MPZL1: variants seen among roughly 807,000 people sequenced by gnomAD.
The protein encoded by MPZL1 is myelin protein zero like 1.
Under a neutral mutation model 29.3 loss-of-function variants are expected in MPZL1, and 16 were observed. The observed-to-expected ratio is 0.55, with a 90% confidence interval of 0.37 to 0.83. The LOEUF (loss-of-function observed/expected upper bound fraction) is 0.83, where lower values mean the gene tolerates loss of function less well. Among genes scored for constraint, MPZL1 ranks in the 40% least tolerant of loss-of-function variants. MPZL1 has a pLI of 0.00. For synonymous variants in MPZL1, 143 were observed against 132.0 expected, an observed-to-expected ratio of 1.08 and a Z score of -0.57; for missense variants, 279 against 332.9, an observed-to-expected ratio of 0.84 and a Z score of 1.26.
At position 167,768,682 on chromosome 1, in the gene MPZL1, A is replaced by C. The variant is rs77737000; in HGVS notation, c.258+2933A>C. ...ATTCCTCAGTTTGATTCAGCAAACT[A>C]TGTAGTTCCTGCTGTGTCCAAAGTG... On this transcript the variant is annotated intron_variant, in intron 2 of 5. Coordinates refer to ENST00000359523, the MANE Select transcript of MPZL1 (RefSeq NM_003953.6). Among the ~76,000 whole-genome samples the C allele has an allele frequency of 2.7e-3, 408 of 152,346 alleles. 2 individuals carry two copies. The highest frequency in any genetic ancestry group is 9.4e-3 in the African/African-American group (391 of 41,580).
chr1:167,729,708 T>C (rs1660224379), intron 1 of MPZL1, among the ~76,000 whole-genome samples: 1 of 152,232 alleles, frequency 6.6e-6, no homozygotes, highest in African/African-American at 2.4e-5. Flanking sequence ...CTCCCTTTTC[T>C]GTTTCTTAGC....
rs1287132497 is a variant in MPZL1 at position 167,739,286 on chromosome 1, TATATATATATATATATATATATACAC to T, written c.91+17055_91+17080del. ...ACATACATATATACATATATACATA[TATATATATATATATATATATATACAC>T]ATATATATATTTATGTTTATTCTTT... On this transcript the variant is annotated intron_variant, in intron 1 of 5. Transcript: ENST00000359523. 6.7e-4 allele frequency among the ~76,000 whole-genome samples: 73 copies of T among 108,294 alleles called. 5 individuals carry two copies. Among genetic ancestry groups the T allele is most frequent in the African/African-American group, 3.2e-3 (59 of 18,236 alleles). The allele number at this position is 108,294 out of a possible 152,430, so 71.0% of individuals were successfully genotyped here.
intron 1 of MPZL1, among the ~76,000 whole-genome samples, chr1:167,746,608 G>C (rs946856521): frequency 6.6e-6 from 1 of 152,194 alleles, no homozygotes; most frequent in South Asian, 2.1e-4. Context: ...CTTCTGCTCT[G>C]TTGTGAATGG....
chr1:167,754,821 C>G (rs1268736968), intron 1 of MPZL1, among the ~76,000 whole-genome samples: 1 of 152,170 alleles, frequency 6.6e-6, no homozygotes, highest in Non-Finnish European at 1.5e-5. Context: ...CCAATTAAAT[C>G]AGAATTCCTG....
chr1:167,750,750 T>G (rs775830878), intron 1 of MPZL1, among the ~76,000 whole-genome samples: 5 of 152,222 alleles, frequency 3.3e-5, no homozygotes, highest in Non-Finnish European at 7.3e-5. Flanking sequence ...ATCTAATATA[T>G]AGAGTTTATT....
chr1:167,744,778 C>T (rs1044328113), intron 1 of MPZL1, among the ~76,000 whole-genome samples: 20 of 151,610 alleles, frequency 1.3e-4, no homozygotes, highest in Admixed American at 5.3e-4. Flanking sequence ...TAGACTCCAA[C>T]AACTAGTAAA....
intron 1 of MPZL1, among the ~76,000 whole-genome samples, chr1:167,747,281 T>TGC (rs1660665856): frequency 6.6e-6 from 1 of 152,168 alleles, no homozygotes; most frequent in African/African-American, 2.4e-5. Context: ...AGTGCAGTGG[T>TGC]GCGATCTCAG....
chr1:167,772,936 A>T (rs527840184), intron 3 of MPZL1, among the ~76,000 whole-genome samples: 13 of 152,320 alleles, frequency 8.5e-5, no homozygotes, highest in South Asian at 2.1e-4. Context: ...CATTTTTGAG[A>T]CAAAGTCTGT....
intron 1 of MPZL1, among the ~76,000 whole-genome samples, chr1:167,735,555 TC>T (rs1558109040): frequency 6.6e-6 from 1 of 152,164 alleles, no homozygotes; most frequent in African/African-American, 2.4e-5. Flanking sequence ...CCTATCTATA[TC>T]TTGCTGGCAT....
At chr1:167,748,844 C>G (rs1312880346) in intron 1 of MPZL1, among the ~76,000 whole-genome samples, 1 of 152,150 alleles carries the variant, frequency 6.6e-6, no homozygotes, top group Non-Finnish European at 1.5e-5. Flanking sequence ...CTTGGGAGAT[C>G]ATTCTATTCC....
intron 5 of MPZL1, among the ~76,000 whole-genome samples, chr1:167,777,847 A>G (rs1187874539): frequency 6.6e-6 from 1 of 152,258 alleles, no homozygotes; most frequent in East Asian, 1.9e-4. Flanking sequence ...GGGTTAAATT[A>G]GTACCAGAAT....
rs1282819200 is a variant in MPZL1 at position 167,758,628 on chromosome 1, A to G, written c.92-6955A>G. ...TTTGATTATTGTAAAAATGACCCCT[A>G]GTCAGATGATTCCACAGACTTTTTG... On this transcript the variant is annotated intron_variant, in intron 1 of 5. Transcript: ENST00000359523. 2.0e-5 allele frequency among the ~76,000 whole-genome samples: 3 copies of G among 152,070 alleles called. No individual in the cohort carries two copies. The East Asian group carries it at 5.8e-4, about 29-fold the overall frequency.
At chr1:167,757,436 CAA>C (rs1443444913) in intron 1 of MPZL1, among the ~76,000 whole-genome samples, 2 of 152,024 alleles carry the variant, frequency 1.3e-5, no homozygotes, top group Non-Finnish European at 2.9e-5. Context: ...AAATATATAC[CAA>C]AGAGTGTATG....
chr1:167,791,484 T>C lies in MPZL1; in HGVS notation c.*3563T>C, dbSNP rs181105938. On this transcript the variant is annotated 3_prime_UTR_variant, in exon 6 of 6. Transcript: ENST00000359523. Reference sequence around the variant, plus strand: ...AATACTTGGTGTGAGCCAGGCACTTTGCATTTCTTTCTCTATTATTTCTGT... The same window carrying C: ...AATACTTGGTGTGAGCCAGGCACTTCGCATTTCTTTCTCTATTATTTCTGT... 3 of 152,376 alleles carry C rather than the reference T, an allele frequency of 2.0e-5. No individual in the cohort carries two copies. Among genetic ancestry groups the C allele is most frequent in the Non-Finnish European group, 2.9e-5 (2 of 68,042 alleles). The allele number at this position is 152,376 out of a possible 1,614,324, so 9.4% of individuals were successfully genotyped here. A position where few individuals can be genotyped will look rare whatever the true frequency, so the allele number is the denominator to read the frequency against.
chr1:167,773,546 G>A, intron 4 of MPZL1, 178 bp downstream of exon 4: 1 of 629,004 alleles, frequency 1.6e-6, no homozygotes, highest in Non-Finnish European at 2.5e-6. Flanking sequence ...CAGTGGGCCT[G>A]CTATTAAATG....
chr1:167,776,013 A>G (rs1032901694), intron 4 of MPZL1, 51 bp from the exon 5 acceptor site: 2 of 1,241,114 alleles, frequency 1.6e-6, no homozygotes, highest in Admixed American at 5.0e-5. Flanking sequence ...GTTTCTATTT[A>G]TTTATTATTA....
In MPZL1 at chr1:167,779,003, T is replaced by G. The variant is rs180944786; in HGVS notation, c.708+2837T>G. Among the ~76,000 whole-genome samples, 186 of 152,086 alleles carry G rather than the reference T, an allele frequency of 1.2e-3. 1 individual carries two copies. The highest frequency in any genetic ancestry group is 1.6e-4 in the Non-Finnish European group (11 of 67,984). On this transcript the variant is annotated intron_variant, in intron 5 of 5. Transcript: ENST00000359523. The stretch of plus-strand genomic sequence containing the variant: ...TGGGCATGGTGGCACGTGCCTGTAG[T>G]CCCAGTTACTCAGGAGGCTGAGGCA...
chr1:167,781,613 G>GA (rs538338848), intron 5 of MPZL1, among the ~76,000 whole-genome samples: 1 of 146,778 alleles, frequency 6.8e-6, no homozygotes, highest in Non-Finnish European at 1.5e-5. Context: ...GTTTATATTA[G>GA]AAAAAAATAA....
intron 1 of MPZL1, among the ~76,000 whole-genome samples, chr1:167,725,284 T>G (rs1660117150): frequency 6.6e-6 from 1 of 152,124 alleles, no homozygotes; most frequent in Admixed American, 6.6e-5. Flanking sequence ...CCAGCTGCTC[T>G]TCCTCTTTTT....
Sources: allele counts gnomAD v4.1 joint callset (sites outside exome capture counted in the v4.1 genomes callset), GRCh38; gene constraint gnomAD v4.1.1; transcripts MANE v1.5; gene names NCBI Gene and HGNC (gene_info 2026-07-23, HGNC 2026-07-21).